The following OIP5 variants were observed in gnomAD, a reference collection of about 807,000 sequenced individuals.
The protein encoded by OIP5 is protein Mis18-beta.
Under a neutral mutation model 20.3 loss-of-function variants are expected in OIP5, and 24 were observed. That is an observed-to-expected ratio of 1.18 (90% CI 0.86 to 1.66). The LOEUF (loss-of-function observed/expected upper bound fraction) is 1.66. Among genes scored for constraint, OIP5 ranks in the 40% most tolerant of loss-of-function variants. The probability of loss-of-function intolerance (pLI) is 0.00; values close to 1 mark genes in which losing one functional copy is unlikely to be tolerated. For synonymous variants in OIP5, 143 were observed against 121.3 expected, an observed-to-expected ratio of 1.18 and a Z score of -1.17; for missense variants, 339 against 289.5, an observed-to-expected ratio of 1.17 and a Z score of -1.24.
chr15:41,327,681 G>A (rs999163024), intron 2 of OIP5, among the ~76,000 whole-genome samples: 3 of 152,042 alleles, frequency 2.0e-5, no homozygotes, highest in Admixed American at 2.0e-4. Flanking sequence ...CCAGTTACTC[G>A]GGAGGCTGAG....
intron 4 of OIP5, 102 bp from the exon 5 acceptor site, chr15:41,309,951 C>T (rs1595497315): frequency 2.8e-6 from 2 of 705,618 alleles, no homozygotes; most frequent in East Asian, 5.7e-5. Context: ...TACAGTGGCA[C>T]ATTCATAGTT....
In OIP5 at chr15:41,332,572, C is replaced by T. The variant is rs1236494721; in HGVS notation, c.-11G>A. The T allele has an allele frequency of 1.9e-6, 3 of 1,589,318 alleles. No homozygotes were observed. The highest frequency in any genetic ancestry group is 1.3e-5 in the African/African-American group (1 of 74,296). ...CGGCTGAGCCGCCATCTTCCCGCAG[C>T]CGGCGCCTTCCTTTCGAATACACGC... On this transcript the variant is annotated 5_prime_UTR_variant, in exon 1 of 5. Transcript: ENST00000220514.
At position 41,325,393 on chromosome 15, in the gene OIP5, G is replaced by A. The variant is rs1231250348; in HGVS notation, c.390-5613C>T. On this transcript the variant is annotated intron_variant, in intron 2 of 4. Coordinates refer to ENST00000220514, the MANE Select transcript of OIP5 (RefSeq NM_007280.2). ...TGCACTCCAGCCTGGGTGACAGAGC[G>A]AGCCTCCGTCTCAAAATAAATAAAT... 4.6e-5 allele frequency among the ~76,000 whole-genome samples: 7 copies of A among 151,690 alleles called. No individual in the cohort carries two copies. The East Asian group carries it at 7.8e-4, about 17-fold the overall frequency.
chr15:41,320,462 T>A (rs1282363905), intron 2 of OIP5, among the ~76,000 whole-genome samples: 2 of 152,308 alleles, frequency 1.3e-5, no homozygotes, highest in Non-Finnish European at 2.9e-5. Flanking sequence ...ATTTTTTTGG[T>A]GGAGACGGGG....
intron 2 of OIP5, among the ~76,000 whole-genome samples, chr15:41,329,467 C>T (rs545165952): frequency 6.6e-6 from 1 of 151,928 alleles, no homozygotes; most frequent in African/African-American, 2.4e-5. Context: ...AGGCGCTTGC[C>T]ACCTCGCCCC....
chr15:41,328,054 G>A (rs1412353369), intron 2 of OIP5, among the ~76,000 whole-genome samples: 1 of 152,038 alleles, frequency 6.6e-6, no homozygotes, highest in Non-Finnish European at 1.5e-5. Context: ...TCCATCCTGG[G>A]TAAAAGAGCC....
intron 3 of OIP5, among the ~76,000 whole-genome samples, 169 bp downstream of exon 3, chr15:41,319,489 G>A (rs531771629): frequency 2.6e-5 from 4 of 152,088 alleles, no homozygotes; most frequent in Admixed American, 2.6e-4. Context: ...TCCTGACCTC[G>A]AGTGATCCAC....
In OIP5 at chr15:41,316,214, G is replaced by A. The variant is rs140236495; in HGVS notation, c.513-2860C>T. Reference sequence around the variant, plus strand: ...TAATCTTAACATTTTGGGAAGCCCAGGCAGGAGAATCACTTGAACCCAGGA... The same window carrying A: ...TAATCTTAACATTTTGGGAAGCCCAAGCAGGAGAATCACTTGAACCCAGGA... On this transcript the variant is annotated intron_variant, in intron 3 of 4. Coordinates refer to ENST00000220514, the MANE Select transcript of OIP5 (RefSeq NM_007280.2). Among the ~76,000 whole-genome samples the A allele has an allele frequency of 3.7e-3, 559 of 152,240 alleles. 3 individuals are homozygous for A. Among genetic ancestry groups the A allele is most frequent in the Admixed American group, 7.1e-3 (109 of 15,278 alleles).
intron 4 of OIP5, among the ~76,000 whole-genome samples, chr15:41,312,272 C>A (rs2047760850): frequency 6.6e-6 from 1 of 151,902 alleles, no homozygotes; most frequent in Non-Finnish European, 1.5e-5. Context: ...AGTGCTTCTC[C>A]TGTCTCAACC....
intron 2 of OIP5, among the ~76,000 whole-genome samples, chr15:41,327,811 A>G (rs985097871): frequency 8.7e-6 from 1 of 115,390 alleles, no homozygotes; most frequent in Non-Finnish European, 1.8e-5. Context: ...ATAAAATAAA[A>G]TAATTGAAAA....
chr15:41,310,396 T>G (rs1188880475), intron 4 of OIP5, among the ~76,000 whole-genome samples: 1 of 152,104 alleles, frequency 6.6e-6, no homozygotes, highest in Admixed American at 6.6e-5. Context: ...GGAGGCTAAG[T>G]TGGGCAGATC....
intron 2 of OIP5, among the ~76,000 whole-genome samples, chr15:41,330,771 T>G (rs909932382): frequency 6.6e-6 from 1 of 152,214 alleles, no homozygotes; most frequent in Non-Finnish European, 1.5e-5. Flanking sequence ...GTATTCTGTG[T>G]TCACAGCATA....
At position 41,324,937 on chromosome 15, in the gene OIP5, T is replaced by C. The variant is rs552475963; in HGVS notation, c.390-5157A>G. Among the ~76,000 whole-genome samples the C allele has an allele frequency of 1.1e-4, 16 of 152,294 alleles. 1 individual carries two copies. In the South Asian group the frequency reaches 3.3e-3, roughly 32 times the overall value. On this transcript the variant is annotated intron_variant, in intron 2 of 4. Coordinates refer to ENST00000220514, the MANE Select transcript of OIP5 (RefSeq NM_007280.2). ...TTAAAGGCCATTGTTGGGTTATTAA[T>C]TGGCCTGAGAAGGCAAGACTGAATG...
chr15:41,321,272 G>C (rs570292798), intron 2 of OIP5, among the ~76,000 whole-genome samples: 2 of 146,418 alleles, frequency 1.4e-5, no homozygotes, highest in Non-Finnish European at 3.0e-5. Flanking sequence ...CCCCCCGCCC[G>C]GCCAGCCGTC....
At chr15:41,327,898 A>G (rs1177271301) in intron 2 of OIP5, among the ~76,000 whole-genome samples, 1 of 152,174 alleles carries the variant, frequency 6.6e-6, no homozygotes, top group East Asian at 1.9e-4. Flanking sequence ...ACTTGAGTTC[A>G]GGAGTTCAAA....
In OIP5 at chr15:41,312,029, T is replaced by C. The variant is rs2047758328; in HGVS notation, c.594+1244A>G. ...GCCAACACGCCCGGCTAATTTTGTATTTTTAGTAGAGATGGGATTTCTCCA... is the reference window on the plus strand; with the variant it reads ...GCCAACACGCCCGGCTAATTTTGTACTTTTAGTAGAGATGGGATTTCTCCA... On this transcript the variant is annotated intron_variant, in intron 4 of 4. Coordinates refer to ENST00000220514, the MANE Select transcript of OIP5 (RefSeq NM_007280.2). Among the ~76,000 whole-genome samples the C allele has an allele frequency of 1.4e-5, 2 of 142,266 alleles. 1 individual carries two copies. The highest frequency in any genetic ancestry group is 3.2e-5 in the Non-Finnish European group (2 of 62,444). The allele number at this position is 142,266 out of a possible 152,430, so 93.3% of individuals were successfully genotyped here. A position where few individuals can be genotyped will look rare whatever the true frequency, so the allele number is the denominator to read the frequency against.
At chr15:41,317,762 T>C (rs2047796999) in intron 3 of OIP5, among the ~76,000 whole-genome samples, 1 of 152,144 alleles carries the variant, frequency 6.6e-6, no homozygotes, top group Admixed American at 6.6e-5. Flanking sequence ...CACTGTAACC[T>C]TGAACTCCTG....
At chr15:41,312,611 C>T (rs746361244) in intron 4 of OIP5, among the ~76,000 whole-genome samples, 27 of 151,382 alleles carry the variant, frequency 1.8e-4, no homozygotes, top group Non-Finnish European at 2.9e-4. Flanking sequence ...AGGCGCCCAC[C>T]ACCATGACCG....
At chr15:41,331,478 G>C (rs1405273996) in intron 2 of OIP5, among the ~76,000 whole-genome samples, 1 of 152,156 alleles carries the variant, frequency 6.6e-6, no homozygotes, top group East Asian at 1.9e-4. Context: ...CAGCTACTCC[G>C]GAGGGTGAGG....
Sources: allele counts gnomAD v4.1 joint callset (sites outside exome capture counted in the v4.1 genomes callset), GRCh38; gene constraint gnomAD v4.1.1; transcripts MANE v1.5; gene names NCBI Gene and HGNC (gene_info 2026-07-23, HGNC 2026-07-21).